Variants in PRPF38A observed in about 807,000 individuals in gnomAD.
PRPF38A encodes the protein pre-mRNA-splicing factor 38A.
A neutral mutation model predicts 46.8 loss-of-function variants in PRPF38A; 11 were observed. The observed-to-expected ratio is 0.24, with a 90% CI of 0.15 to 0.39. The LOEUF is 0.39. Among genes scored for constraint, PRPF38A ranks in the 10% least tolerant of loss-of-function variants. The probability of loss-of-function intolerance (pLI) is 1.00; values close to 1 mark genes in which losing one functional copy is unlikely to be tolerated. For missense variants in PRPF38A, 261 were observed against 407.5 expected (o/e 0.64, Z 3.10); for synonymous variants, 124 against 136.2 (o/e 0.91, Z 0.62).
chr1:52,416,214 G>A (rs1005317948), intron 9 of PRPF38A, among the ~76,000 whole-genome samples: 4 of 151,878 alleles, frequency 2.6e-5, no homozygotes, highest in African/African-American at 4.8e-5. Flanking sequence ...TGACTCAAGA[G>A]TGTTGCTCTG....
chr1:52,413,798 G>A, intron 5 of PRPF38A, 81 bp from the exon 6 acceptor site: 1 of 871,760 alleles, frequency 1.1e-6, no homozygotes, highest in East Asian at 2.5e-5. Flanking sequence ...GGGACAAGAT[G>A]GGGCGTGAAG....
At chr1:52,405,053 G>A (rs778313482) in intron 1 of PRPF38A, among the ~76,000 whole-genome samples, 174 bp downstream of exon 1, 4 of 152,194 alleles carry the variant, frequency 2.6e-5, no homozygotes, top group East Asian at 1.9e-4. Flanking sequence ...GAGTATTAGA[G>A]GCACAGATGA....
chr1:52,415,131 C>G (rs1174083320), intron 8 of PRPF38A, among the ~76,000 whole-genome samples: 1 of 152,150 alleles, frequency 6.6e-6, no homozygotes, highest in African/African-American at 2.4e-5. Context: ...TCATAAAGCC[C>G]TTGAATGTAT....
chr1:52,408,548 T>G, intron 2 of PRPF38A, 21 bp from the exon 3 acceptor site: 1 of 1,614,012 alleles, frequency 6.2e-7, no homozygotes, highest in Non-Finnish European at 8.5e-7. Context: ...GCCTGTTGTT[T>G]CACTGTCATC....
intron 4 of PRPF38A, among the ~76,000 whole-genome samples, chr1:52,411,870 G>A (rs1648159042): frequency 6.6e-6 from 1 of 152,138 alleles, no homozygotes; most frequent in Non-Finnish European, 1.5e-5. Context: ...AATTCTTATA[G>A]CAAGACAATG....
At chr1:52,416,282 A>T (rs1648289746) in intron 9 of PRPF38A, among the ~76,000 whole-genome samples, 1 of 151,566 alleles carries the variant, frequency 6.6e-6, no homozygotes, top group Non-Finnish European at 1.5e-5. Flanking sequence ...ATCCCCATCA[A>T]TGTCAGCATA....
chr1:52,414,592 A>G, intron 6 of PRPF38A, 29 bp from the exon 7 acceptor site: 1 of 1,612,296 alleles, frequency 6.2e-7, no homozygotes, highest in South Asian at 1.1e-5. Context: ...GCGCCAACCT[A>G]GGCTTTCTTC....
chr1:52,414,155 A>G (rs1307312983), intron 6 of PRPF38A, among the ~76,000 whole-genome samples, 164 bp downstream of exon 6: 1 of 152,254 alleles, frequency 6.6e-6, no homozygotes, highest in African/African-American at 2.4e-5. Flanking sequence ...TTGGCAGACA[A>G]CAATAACCAT....
At chr1:52,410,009 G>T (rs1487710902) in intron 3 of PRPF38A, among the ~76,000 whole-genome samples, 1 of 150,934 alleles carries the variant, frequency 6.6e-6, no homozygotes, top group Non-Finnish European at 1.5e-5. Context: ...AGCTATATAT[G>T]TATATGTATG....
Position 52,414,643 on chromosome 1 carries a change from A to G in PRPF38A, c.745A>G (p.Arg249Gly). The change falls in exon 7 of 10, where the codon AGA (arginine) becomes GGA (glycine). Residue 249 changes from arginine to glycine, a missense_variant. Physicochemically the swap from Arg to Gly is moderately radical, Grantham distance 125. This residue lies in a region of PRPF38A where 180 missense variants were observed against 221.0 expected (regional missense o/e 0.81). Coordinates refer to ENST00000257181, the MANE Select transcript of PRPF38A (RefSeq NM_032864.4). ...TAGGCGGAGTCGATCTCCCAAAAGGAGAAGGTAGGCCTTCAGTCATTTGTG... is the reference window on the plus strand; with the variant it reads ...TAGGCGGAGTCGATCTCCCAAAAGGGGAAGGTAGGCCTTCAGTCATTTGTG... ...PRRRSRSPKR[R>G]SPSPRRERHR... 1 of 1,613,848 alleles carries G rather than the reference A, an allele frequency of 6.2e-7. No individual in the cohort carries two copies. The highest frequency in any genetic ancestry group is 8.5e-7 in the Non-Finnish European group (1 of 1,179,996).
intron 2 of PRPF38A, 45 bp from the exon 3 acceptor site, chr1:52,408,524 G>A (rs1039315969): frequency 6.2e-7 from 1 of 1,613,212 alleles, no homozygotes; most frequent in East Asian, 2.2e-5. Context: ...TAAAACTCAG[G>A]AACTTCTAGG....
At chr1:52,415,953 C>G (rs923756946) in intron 9 of PRPF38A, among the ~76,000 whole-genome samples, 3 of 148,570 alleles carry the variant, frequency 2.0e-5, no homozygotes, top group Admixed American at 1.4e-4. Flanking sequence ...CGCCATTCTC[C>G]TGCCTCAGCT....
At position 52,414,078 on chromosome 1, in the gene PRPF38A, C is replaced by T. The variant is rs534099062; in HGVS notation, c.722+87C>T. 9 of 809,338 alleles carry T rather than the reference C, an allele frequency of 1.1e-5. No individual in the cohort carries two copies. In the South Asian group the frequency reaches 1.4e-4, roughly 13 times the overall value. 50.1% of individuals were successfully genotyped at this position (809,338 alleles called of 1,614,324 possible). On this transcript the variant is annotated intron_variant, in intron 6 of 9. Coordinates refer to ENST00000257181, the MANE Select transcript of PRPF38A (RefSeq NM_032864.4). ...ATTTTAGAGAAGGAAAAATGCACGTCTATGGAGAATGTTTGCCCAATATAT... is the reference window on the plus strand; with the variant it reads ...ATTTTAGAGAAGGAAAAATGCACGTTTATGGAGAATGTTTGCCCAATATAT...
chr1:52,414,570 A>G lies in PRPF38A; in HGVS notation c.723-51A>G, dbSNP rs374131769. The stretch of plus-strand genomic sequence containing the variant: ...AAGATTGGGGCCGTTTTTGCAATCT[A>G]CCACATCCAGTGCGCCAACCTAGGC... On this transcript the variant is annotated intron_variant, in intron 6 of 9. Transcript: ENST00000257181. The G allele has an allele frequency of 2.2e-4, 358 of 1,606,832 alleles. 3 individuals carry two copies. The highest frequency in any genetic ancestry group is 6.7e-5 in the Admixed American group (4 of 59,548).
At chr1:52,408,771 TAGAC>T in intron 3 of PRPF38A, 81 bp downstream of exon 3, 1 of 1,505,468 alleles carries the variant, frequency 6.6e-7, no homozygotes, top group Non-Finnish European at 9.1e-7. Context: ...TGCATTGTCA[TAGAC>T]AGTGTGAATG....
At chr1:52,413,038 T>C (rs1243996263) in intron 5 of PRPF38A, among the ~76,000 whole-genome samples, 4 of 152,164 alleles carry the variant, frequency 2.6e-5, no homozygotes, top group Non-Finnish European at 5.9e-5. Flanking sequence ...AAAAACAATA[T>C]TTCCTTATTA....
At position 52,412,520 on chromosome 1, in the gene PRPF38A, T is replaced by C. The variant is rs1648173291; in HGVS notation, c.505T>C (p.Tyr169His). The C allele has an allele frequency of 6.2e-7, 1 of 1,610,748 alleles. No homozygotes were observed. The highest frequency in any genetic ancestry group is 8.5e-7 in the Non-Finnish European group (1 of 1,177,604). The change falls in exon 5 of 10, where the codon TAT becomes CAT. Residue 169 changes from tyrosine (Y) to histidine (H), a missense_variant. Physicochemically the swap from Tyr to His is moderately conservative, Grantham distance 83 (BLOSUM62 2). Transcript: ENST00000257181. ...CTCATCATTTTCTCTGTAGAAACGC[T>C]ATGTATTAGAGGAAGCTGAGCAACT... ...DIILPRLQKRYVLEEAEQLEP... is the reference protein window; with the variant it reads ...DIILPRLQKRHVLEEAEQLEP...
At chr1:52,405,111 G>A (rs747084373) in intron 1 of PRPF38A, among the ~76,000 whole-genome samples, 1 of 152,224 alleles carries the variant, frequency 6.6e-6, no homozygotes, top group Non-Finnish European at 1.5e-5. Context: ...GGTGTTGTGA[G>A]TTATTCCGTA....
chr1:52,404,983 C>A, intron 1 of PRPF38A, 104 bp downstream of exon 1: 1 of 1,364,000 alleles, frequency 7.3e-7, no homozygotes. Context: ...GGTACTGGAA[C>A]GGAGTATGTC....
Sources: gnomAD v4.1 joint callset for allele counts (sites outside exome capture counted in the v4.1 genomes callset) on GRCh38, gnomAD v4.1.1 for gene constraint, gnomAD v4.1.1 regional missense constraint, MANE v1.5 for transcripts, NCBI Gene and HGNC (gene_info 2026-07-23, HGNC 2026-07-21) for gene names.